Variants in HAX1 observed in about 807,000 individuals in gnomAD.
The protein encoded by HAX1 is HCLS1-associated protein X-1.
Under a neutral mutation model 31.1 loss-of-function variants are expected in HAX1, and 27 were observed. That is an observed-to-expected ratio of 0.87 (90% CI 0.64 to 1.20). The LOEUF (loss-of-function observed/expected upper bound fraction) is 1.20. Ranked by LOEUF, HAX1 falls within the 50% of genes most tolerant of loss-of-function variation. HAX1 has a pLI of 0.00. For missense variants in HAX1, 357 were observed against 361.6 expected, an observed-to-expected ratio of 0.99 and a Z score of 0.10; for synonymous variants, 114 against 124.1, an observed-to-expected ratio of 0.92 and a Z score of 0.54.
intron 3 of HAX1, among the ~76,000 whole-genome samples, chr1:154,274,404 G>A (rs925927481): frequency 5.9e-5 from 9 of 151,962 alleles, no homozygotes; most frequent in African/African-American, 1.7e-4. Context: ...CCTGCCAAAC[G>A]CCCAGCTAAT....
rs752101273 is a variant in HAX1, at chr1:154,273,384, TGAG to T, written c.105_107del (p.Glu40del). On this transcript the variant is annotated inframe_deletion, in exon 2 of 7. Coordinates refer to ENST00000328703, the MANE Select transcript of HAX1 (RefSeq NM_006118.4). ...GGATGACTCGAGATGAAGATGATGATGAGGAAGAAGAAGAAGAAGGGGGCTCAT... is the reference window on the plus strand; with the variant it reads ...GGATGACTCGAGATGAAGATGATGATGAAGAAGAAGAAGAAGGGGGCTCAT... 9.9e-6 allele frequency: 16 copies of T among 1,613,138 alleles called. No homozygotes were observed. Among genetic ancestry groups the T allele is most frequent in the South Asian group, 5.5e-5 (5 of 91,046 alleles).
In HAX1 at chr1:154,272,663, G is replaced by T; in HGVS notation, c.-61G>T. ...CTCAATTTCTCACAGGGCTGCGCAG[G>T]TTTCCCCCGTCTGCGAATGGACCAC... On this transcript the variant is annotated 5_prime_UTR_variant, in exon 1 of 7. Coordinates refer to ENST00000328703, the MANE Select transcript of HAX1 (RefSeq NM_006118.4). 6.5e-7 allele frequency: 1 copy of T among 1,544,706 alleles called. No homozygotes were observed. The highest frequency in any genetic ancestry group is 1.7e-5 in the Admixed American group (1 of 59,508).
At position 154,273,822 on chromosome 1, in the gene HAX1, G is replaced by A. The variant is rs1684875274; in HGVS notation, c.365G>A (p.Gly122Glu). 1.9e-6 allele frequency: 3 copies of A among 1,614,096 alleles called. No homozygotes were observed. The highest frequency in any genetic ancestry group is 2.5e-6 in the Non-Finnish European group (3 of 1,179,980). ...ACACCTGGTGAGAGACTACGGGAGG[G>A]ACAGACACTTCGGGACTCAATGCTT... The part of the protein sequence containing the change: ...SETPGERLRE[G>E]QTLRDSMLKY... The change falls in exon 3 of 7, where the codon GGA becomes GAA. Residue 122 changes from glycine to glutamate, a missense_variant. Coordinates refer to ENST00000328703, the MANE Select transcript of HAX1 (RefSeq NM_006118.4).
intron 1 of HAX1, chr1:154,272,998 G>A: frequency 1.6e-6 from 1 of 619,152 alleles, no homozygotes; most frequent in Non-Finnish European, 2.9e-6. Flanking sequence ...GATGCAACAG[G>A]GACCCGGGCG....
rs1057521590 is a variant in HAX1, at chr1:154,273,405, G to A, written c.123G>A (p.Gly41=). 1 of 1,613,500 alleles carries A rather than the reference G, an allele frequency of 6.2e-7. No homozygotes were observed. The highest frequency in any genetic ancestry group is 1.3e-5 in the African/African-American group (1 of 74,850). ...ATGATGAGGAAGAAGAAGAAGAAGG[G>A]GGCTCATGGGGCCGTGGGAACCCAA... ...EDDDEEEEEE[G]GSWGRGNPRF... is the part of the protein sequence containing the mutation. The change falls in exon 2 of 7, where the codon GGG becomes GGA. Residue 41 remains glycine, a synonymous_variant. Coordinates refer to ENST00000328703, the MANE Select transcript of HAX1 (RefSeq NM_006118.4).
At chr1:154,275,131 T>G (rs772483110) in intron 4 of HAX1, 23 bp from the exon 5 acceptor site, 7 of 1,539,948 alleles carry the variant, frequency 4.5e-6, no homozygotes, top group Admixed American at 1.7e-5. Flanking sequence ...CTCTCCTGCT[T>G]CTTCATCTCT....
chr1:154,275,737 A>G lies in HAX1; in HGVS notation c.*36A>G, dbSNP rs541236904. 2.9e-6 allele frequency: 4 copies of G among 1,375,642 alleles called. No individual in the cohort carries two copies. The highest frequency in any genetic ancestry group is 4.6e-5 in the East Asian group (2 of 43,728). 85.2% of individuals were successfully genotyped at this position (1,375,642 alleles called of 1,614,324 possible). On this transcript the variant is annotated 3_prime_UTR_variant, in exon 7 of 7. Transcript: ENST00000328703. The stretch of plus-strand genomic sequence containing the variant: ...CCTCAGAGGCCTTCAAGTCCTTTCC[A>G]CCTCTCACCCATTGCCCACCATTAA...
At chr1:154,274,680 A>G (rs1038441993) in intron 3 of HAX1, among the ~76,000 whole-genome samples, 3 of 152,146 alleles carry the variant, frequency 2.0e-5, no homozygotes, top group African/African-American at 7.2e-5. Context: ...TTTCTTTTAA[A>G]AAACAAAAAC....
intron 1 of HAX1, chr1:154,273,120 G>A: frequency 1.7e-6 from 1 of 603,586 alleles, no homozygotes; most frequent in Middle Eastern, 4.4e-4. Flanking sequence ...GGTGTATGAA[G>A]GGAGCTGCGA....
At chr1:154,272,809 G>T in intron 1 of HAX1, 33 bp downstream of exon 1, 2 of 1,592,694 alleles carry the variant, frequency 1.3e-6, no homozygotes, top group Non-Finnish European at 1.7e-6. Flanking sequence ...CAAGGGTGGG[G>T]GTCGTCTGAG....
At position 154,275,874 on chromosome 1, in the gene HAX1, A is replaced by G; in HGVS notation, c.*173A>G. On this transcript the variant is annotated 3_prime_UTR_variant, in exon 7 of 7. Transcript: ENST00000328703. ...GACCAATAAAACCTTTATTTATGCT[A>G]ATTTTTTGTCTTGGTTTTGTCAAGG... is the stretch of plus-strand genomic sequence containing the variant. 1 of 643,994 alleles carries G rather than the reference A, an allele frequency of 1.6e-6. No homozygotes were observed. Among genetic ancestry groups the G allele is most frequent in the Non-Finnish European group, 2.8e-6 (1 of 356,484 alleles). 39.9% of individuals were successfully genotyped at this position (643,994 alleles called of 1,614,324 possible).
In HAX1 at chr1:154,273,356, G is replaced by A; in HGVS notation, c.74G>A (p.Gly25Glu). ...CTCAGCCACAGAGATCCCTTTTTTG[G>A]AGGGATGACTCGAGATGAAGATGAT... ...GPRSHRDPFF[G>E]GMTRDEDDDE... The change falls in exon 2 of 7, where the codon GGA (glycine) becomes GAA (glutamate). Residue 25 changes from glycine (G) to glutamate (E), a missense_variant. Coordinates refer to ENST00000328703, the MANE Select transcript of HAX1 (RefSeq NM_006118.4). 1.2e-6 allele frequency: 2 copies of A among 1,613,462 alleles called. No homozygotes were observed. The highest frequency in any genetic ancestry group is 1.7e-6 in the Non-Finnish European group (2 of 1,179,732).
intron 1 of HAX1, 102 bp downstream of exon 1, chr1:154,272,878 C>CT: frequency 9.9e-7 from 1 of 1,010,504 alleles, no homozygotes; most frequent in East Asian, 2.4e-5. Context: ...ACTCCTTCAA[C>CT]TCCTGCAGAG....
intron 1 of HAX1, 84 bp from the exon 2 acceptor site, chr1:154,273,252 C>G: frequency 6.3e-7 from 1 of 1,578,436 alleles, no homozygotes; most frequent in Admixed American, 1.7e-5. Flanking sequence ...ACCCCTTGCT[C>G]TTGTCCCACT....
chr1:154,273,332 T>A lies in HAX1; in HGVS notation c.54-4T>A, dbSNP rs908920404. ...ATTGGTGGCCAATCTGCCTCCACTC[T>A]CAGCCACAGAGATCCCTTTTTTGGA... On this transcript the variant is annotated splice_region_variant and splice_polypyrimidine_tract_variant and intron_variant, in intron 1 of 6. Transcript: ENST00000328703. The A allele has an allele frequency of 4.3e-6, 7 of 1,613,812 alleles. No individual in the cohort carries two copies. Among genetic ancestry groups the A allele is most frequent in the Non-Finnish European group, 5.9e-6 (7 of 1,179,990 alleles).
chr1:154,272,833 C>G, intron 1 of HAX1, 57 bp downstream of exon 1: 1 of 1,488,156 alleles, frequency 6.7e-7, no homozygotes, highest in South Asian at 1.1e-5. Context: ...AGCTTGACCC[C>G]TACGTCTTAT....
chr1:154,273,387 G>A lies in HAX1; in HGVS notation c.105G>A (p.Glu35=), dbSNP rs1231359436. Reference sequence around the variant, plus strand: ...TGACTCGAGATGAAGATGATGATGAGGAAGAAGAAGAAGAAGGGGGCTCAT... The same window carrying A: ...TGACTCGAGATGAAGATGATGATGAAGAAGAAGAAGAAGAAGGGGGCTCAT... ...GGMTRDEDDD[E]EEEEEGGSWG... The change falls in exon 2 of 7, where the codon GAG becomes GAA. Residue 35 remains glutamate, a synonymous_variant. Transcript: ENST00000328703. 4 of 1,612,940 alleles carry A rather than the reference G, an allele frequency of 2.5e-6. No individual in the cohort carries two copies. The highest frequency in any genetic ancestry group is 3.4e-6 in the Non-Finnish European group (4 of 1,179,294).
chr1:154,275,543 T>C, intron 6 of HAX1, 60 bp downstream of exon 6: 2 of 1,577,032 alleles, frequency 1.3e-6, no homozygotes, highest in Non-Finnish European at 1.7e-6. Context: ...AATCTTACTC[T>C]TCTACCCTTG....
chr1:154,275,198 CAG>C lies in HAX1; in HGVS notation c.602_603del (p.Gln201ProfsTer17). On this transcript the variant is annotated frameshift_variant, in exon 5 of 7. Transcript: ENST00000328703. LOFTEE classifies it high-confidence loss of function. ...VSQEGLGPVL[Q>X]PQPKSYFKSI... ...CCAGGAGGGTCTTGGCCCGGTTCTA[CAG>C]CCCCAGCCCAAATCCTATTTCAAGA... The C allele has an allele frequency of 6.2e-7, 1 of 1,613,480 alleles. No individual in the cohort carries two copies. Among genetic ancestry groups the C allele is most frequent in the Non-Finnish European group, 8.5e-7 (1 of 1,179,372 alleles).
Sources: allele counts gnomAD v4.1 joint callset (sites outside exome capture counted in the v4.1 genomes callset), GRCh38; gene constraint gnomAD v4.1.1; transcripts MANE v1.5; gene names NCBI Gene and HGNC (gene_info 2026-07-23, HGNC 2026-07-21).